Variants in PGD observed in about 807,000 individuals in gnomAD.
PGD encodes 6-phosphogluconate dehydrogenase, decarboxylating.
PGD carries 21 observed loss-of-function variants against 60.4 expected under a neutral mutation model. The ratio of observed to expected loss-of-function variants is 0.35; its 90% CI spans 0.25 to 0.50. The LOEUF (loss-of-function observed/expected upper bound fraction) is 0.50, where lower values mean the gene tolerates loss of function less well. PGD is among the 20% of genes least tolerant of loss of function. The probability of loss-of-function intolerance (pLI) is 0.98; values close to 1 mark genes in which losing one functional copy is unlikely to be tolerated. For missense variants in PGD, 477 were observed against 613.1 expected (o/e 0.78, Z 2.34); for synonymous variants, 230 against 235.9 (o/e 0.97, Z 0.23).
intron 11 of PGD, among the ~76,000 whole-genome samples, 154 bp downstream of exon 11, chr1:10,419,079 G>C (rs1639645693): frequency 6.6e-6 from 1 of 151,332 alleles, no homozygotes; most frequent in South Asian, 2.1e-4. Context: ...CATGATCTTG[G>C]CTCACTGCAA....
intron 8 of PGD, among the ~76,000 whole-genome samples, chr1:10,414,110 A>G (rs1487823054): frequency 6.6e-6 from 1 of 152,090 alleles, no homozygotes; most frequent in Non-Finnish European, 1.5e-5. Flanking sequence ...ATTATTAAAA[A>G]TTTACTTTTT....
At chr1:10,406,778 C>T (rs958898273) in intron 5 of PGD, among the ~76,000 whole-genome samples, 1 of 152,178 alleles carries the variant, frequency 6.6e-6, no homozygotes, top group African/African-American at 2.4e-5. Context: ...AAGGAATGAA[C>T]AGCGGCCTTT....
chr1:10,403,474 C>T (rs1410274231), intron 4 of PGD, among the ~76,000 whole-genome samples: 1 of 151,790 alleles, frequency 6.6e-6, no homozygotes, highest in African/African-American at 2.4e-5. Flanking sequence ...GCCTGTAGTC[C>T]CAGCTACTTG....
intron 10 of PGD, among the ~76,000 whole-genome samples, chr1:10,417,943 C>G (rs780186853): frequency 5.3e-5 from 8 of 152,192 alleles, no homozygotes; most frequent in Non-Finnish European, 8.8e-5. Flanking sequence ...AACTCCTTGC[C>G]TTGGGTGATC....
Position 10,417,107 on chromosome 1 carries a change from A to G in PGD, c.965A>G (p.Asp322Gly). 6.2e-7 allele frequency: 1 copy of G among 1,613,986 alleles called. No homozygotes were observed. Among genetic ancestry groups the G allele is most frequent in the Non-Finnish European group, 8.5e-7 (1 of 1,179,920 alleles). ...GGTGATAAGAAATCATTCCTGGAGG[A>G]CATTCGGAAGGTGGGACACAGTCCC... ...FDGDKKSFLE[D>G]IRKALYASKI... Residue 322 changes from aspartate to glycine, a missense_variant, in exon 9 of 13, where the codon GAC becomes GGC. Coordinates refer to ENST00000270776, the MANE Select transcript of PGD (RefSeq NM_002631.4).
At position 10,402,932 on chromosome 1, in the gene PGD, C is replaced by T. The variant is rs371671979; in HGVS notation, c.265-139C>T. 66 of 658,832 alleles carry T rather than the reference C, an allele frequency of 1.0e-4. 1 individual carries two copies. The highest frequency in any genetic ancestry group is 8.3e-4 in the Middle Eastern group (2 of 2,416). The allele number at this position is 658,832 out of a possible 1,614,324, so 40.8% of individuals were successfully genotyped here. A position where few individuals can be genotyped will look rare whatever the true frequency, so the allele number is the denominator to read the frequency against. ...GTTCAGGGTTTCAGTGAGCCATGTT[C>T]GCACTCCTGCATTCCAAGCTGGGCA... On this transcript the variant is annotated intron_variant, in intron 3 of 12. Transcript: ENST00000270776.
At chr1:10,414,130 T>C (rs915594070) in intron 8 of PGD, among the ~76,000 whole-genome samples, 3 of 152,122 alleles carry the variant, frequency 2.0e-5, no homozygotes, top group African/African-American at 7.2e-5. Flanking sequence ...TTCCCCTAGA[T>C]ATTAAAAAGA....
intron 5 of PGD, among the ~76,000 whole-genome samples, chr1:10,406,757 CT>C (rs1339787905): frequency 6.6e-6 from 1 of 152,168 alleles, no homozygotes; most frequent in African/African-American, 2.4e-5. Flanking sequence ...TATCCGCGTG[CT>C]GAGCTGTGGA....
chr1:10,399,177 C>T (rs1557757512), intron 1 of PGD, 52 bp downstream of exon 1: 3 of 1,596,894 alleles, frequency 1.9e-6, no homozygotes, highest in Non-Finnish European at 2.6e-6. Flanking sequence ...GCGGGGAACT[C>T]TTTGGGGGTC....
rs773266423 is a variant in PGD, at chr1:10,417,549, A to C, written c.1109+40A>C. 7 of 1,577,852 alleles carry C rather than the reference A, an allele frequency of 4.4e-6. No individual in the cohort carries two copies. In the African/African-American group the frequency reaches 9.5e-5, roughly 21 times the overall value. Reference sequence around the variant, plus strand: ...GCCCAGGGTCCGACGGGAAGGACTCACACGGCTGTGCAGAAGTGCGATCTT... The same window carrying C: ...GCCCAGGGTCCGACGGGAAGGACTCCCACGGCTGTGCAGAAGTGCGATCTT... On this transcript the variant is annotated intron_variant, in intron 10 of 12. Transcript: ENST00000270776.
chr1:10,406,605 G>T (rs1030902212), intron 5 of PGD, among the ~76,000 whole-genome samples: 1 of 152,124 alleles, frequency 6.6e-6, no homozygotes, highest in Non-Finnish European at 1.5e-5. Context: ...TGCGGTTTCC[G>T]GTGTGGCTGT....
intron 8 of PGD, among the ~76,000 whole-genome samples, chr1:10,414,628 C>T (rs1405331323): frequency 6.6e-6 from 1 of 151,852 alleles, no homozygotes; most frequent in Non-Finnish European, 1.5e-5. Flanking sequence ...CTGCCCGCCT[C>T]GGCTTCCAAA....
At chr1:10,417,561 A>C in intron 10 of PGD, 52 bp downstream of exon 10, 1 of 1,554,866 alleles carries the variant, frequency 6.4e-7, no homozygotes, top group African/African-American at 1.4e-5. Context: ...ACGGCTGTGC[A>C]GAAGTGCGAT....
At chr1:10,411,081 G>T (rs774916265) in intron 6 of PGD, among the ~76,000 whole-genome samples, 2 of 151,996 alleles carry the variant, frequency 1.3e-5, no homozygotes, top group Non-Finnish European at 2.9e-5. Flanking sequence ...TTTTCTTGTG[G>T]GTGGGGGCTG....
chr1:10,403,089 G>T lies in PGD; in HGVS notation c.283G>T (p.Gly95Cys), dbSNP rs145784341. The T allele has an allele frequency of 7.2e-5, 116 of 1,609,960 alleles. No individual in the cohort carries two copies. In the African/African-American group the frequency reaches 1.5e-3, roughly 21 times the overall value. The change falls in exon 4 of 13, where the codon GGT becomes TGT. Residue 95 changes from glycine to cysteine, a missense_variant. By Grantham distance (159) the Gly-to-Cys change is radical. This residue lies in a region of PGD where 431 missense variants were observed against 556.6 expected (regional missense o/e 0.77). Coordinates refer to ENST00000270776, the MANE Select transcript of PGD (RefSeq NM_002631.4). ...IEKLVPLLDT[G>C]DIIIDGGNSE... ...GTTACAGGTACCATTGTTGGATACT[G>T]GTGACATCATCATTGACGGAGGAAA...
At chr1:10,399,159 C>T in intron 1 of PGD, 34 bp downstream of exon 1, 1 of 1,606,542 alleles carries the variant, frequency 6.2e-7, no homozygotes, top group Non-Finnish European at 8.5e-7. Flanking sequence ...CCGGCTCGGC[C>T]TCAGCGGGCG....
At chr1:10,408,019 GCT>G (rs1168095279) in intron 5 of PGD, 50 bp from the exon 6 acceptor site, 1 of 1,042,550 alleles carries the variant, frequency 9.6e-7, no homozygotes, top group Non-Finnish European at 1.5e-6. Context: ...ATGGGTATGG[GCT>G]CTCAGCCCGT....
intron 3 of PGD, 50 bp downstream of exon 3, chr1:10,400,622 G>T: frequency 6.9e-7 from 1 of 1,452,058 alleles, no homozygotes; most frequent in South Asian, 1.3e-5. Context: ...GCTGTTTTTG[G>T]TTTCTTCCTT....
At chr1:10,399,604 C>T in intron 1 of PGD, 25 bp from the exon 2 acceptor site, 1 of 1,609,618 alleles carries the variant, frequency 6.2e-7, no homozygotes, top group Non-Finnish European at 8.5e-7. Context: ...TGACTCTTTC[C>T]TTTGTTCTGT....
Sources: gnomAD v4.1 joint callset for allele counts (sites outside exome capture counted in the v4.1 genomes callset) on GRCh38, gnomAD v4.1.1 for gene constraint, gnomAD v4.1.1 regional missense constraint, MANE v1.5 for transcripts, NCBI Gene and HGNC (gene_info 2026-07-23, HGNC 2026-07-21) for gene names.